Variants in UBXN2A observed in about 807,000 individuals in gnomAD.
The protein encoded by UBXN2A is UBX domain protein 2A.
Under a neutral mutation model 28.4 loss-of-function variants are expected in UBXN2A, and 28 were observed. That is an observed-to-expected ratio of 0.99 (90% CI 0.73 to 1.35). The LOEUF is 1.35. Ranked by LOEUF, UBXN2A falls within the 40% of genes most tolerant of loss-of-function variation. The probability of loss-of-function intolerance (pLI) is 0.00; values close to 1 mark genes in which losing one functional copy is unlikely to be tolerated. For missense variants in UBXN2A, 253 were observed against 297.9 expected (o/e 0.85, Z 1.11); for synonymous variants, 97 against 103.6 (o/e 0.94, Z 0.39).
chr2:23,945,620 A>C (rs1171859087), intron 1 of UBXN2A, among the ~76,000 whole-genome samples: 1 of 152,230 alleles, frequency 6.6e-6, no homozygotes, highest in South Asian at 2.1e-4. Context: ...AAGAAACGTA[A>C]GCTTCTATAT....
At chr2:23,955,708 G>C (rs1431891096) in intron 1 of UBXN2A, among the ~76,000 whole-genome samples, 2 of 152,084 alleles carry the variant, frequency 1.3e-5, no homozygotes, top group Admixed American at 6.6e-5. Flanking sequence ...ATGATATAAT[G>C]GTAACTATTT....
At chr2:23,945,975 G>T (rs951075490) in intron 1 of UBXN2A, among the ~76,000 whole-genome samples, 43 of 151,724 alleles carry the variant, frequency 2.8e-4, no homozygotes, top group African/African-American at 9.7e-4. Context: ...GGGATTATAG[G>T]TGTGTGTTCC....
intron 2 of UBXN2A, 92 bp downstream of exon 2, chr2:23,958,447 A>G: frequency 1.6e-6 from 2 of 1,272,714 alleles, no homozygotes; most frequent in East Asian, 2.6e-5. Flanking sequence ...ATAGTAGAGT[A>G]CGTTTTAATT....
At chr2:23,932,571 G>T (rs537392157) in intron 1 of UBXN2A, among the ~76,000 whole-genome samples, 1 of 152,214 alleles carries the variant, frequency 6.6e-6, no homozygotes, top group East Asian at 1.9e-4. Flanking sequence ...AGGGTTGGGA[G>T]GGTCCCTTGA....
chr2:23,970,055 G>T (rs1278810058), intron 2 of UBXN2A, among the ~76,000 whole-genome samples: 1 of 152,076 alleles, frequency 6.6e-6, no homozygotes, highest in Non-Finnish European at 1.5e-5. Context: ...ACTTTGGGTG[G>T]CCAAGACAGG....
At chr2:23,959,678 A>G (rs1706807105) in intron 2 of UBXN2A, among the ~76,000 whole-genome samples, 1 of 152,176 alleles carries the variant, frequency 6.6e-6, no homozygotes, top group African/African-American at 2.4e-5. Context: ...GTACATAGGG[A>G]AAACCAGGCA....
At chr2:23,976,867 C>A in intron 3 of UBXN2A, 102 bp from the exon 4 acceptor site, 1 of 914,950 alleles carries the variant, frequency 1.1e-6, no homozygotes, top group Non-Finnish European at 1.7e-6. Context: ...AGGAGTGAAC[C>A]ACCCCACCCG....
At chr2:23,994,552 G>A (rs529962362) in intron 6 of UBXN2A, among the ~76,000 whole-genome samples, 8 of 152,166 alleles carry the variant, frequency 5.3e-5, no homozygotes, top group Non-Finnish European at 7.4e-5. Context: ...GTAATCTGTT[G>A]TATTGGTCTG....
chr2:23,961,843 G>T (rs1024029302), intron 2 of UBXN2A, among the ~76,000 whole-genome samples: 1 of 146,316 alleles, frequency 6.8e-6, no homozygotes, highest in African/African-American at 2.5e-5. Flanking sequence ...ACCGCACCCG[G>T]CCTTTTTTTT....
intron 1 of UBXN2A, among the ~76,000 whole-genome samples, chr2:23,954,104 C>T (rs944446466): frequency 6.6e-6 from 1 of 152,146 alleles, no homozygotes; most frequent in Non-Finnish European, 1.5e-5. Context: ...CCTCCGCCTC[C>T]CGGGTACAAG....
At chr2:23,958,160 TTTGATGATGA>T (rs1191325735) in intron 1 of UBXN2A, 131 bp from the exon 2 acceptor site, 2 of 514,264 alleles carry the variant, frequency 3.9e-6, no homozygotes, top group Non-Finnish European at 6.7e-6. Flanking sequence ...ATTGCTTTAT[TTTGATGATGA>T]AAATGACAGC....
intron 1 of UBXN2A, among the ~76,000 whole-genome samples, chr2:23,931,377 C>T (rs952243632): frequency 2.6e-5 from 4 of 152,010 alleles, no homozygotes; most frequent in African/African-American, 4.8e-5. Context: ...ACCTGAAAGG[C>T]GGAGGCTGCA....
intron 1 of UBXN2A, among the ~76,000 whole-genome samples, chr2:23,956,930 C>T (rs1339230058): frequency 6.6e-6 from 1 of 152,058 alleles, no homozygotes; most frequent in Non-Finnish European, 1.5e-5. Flanking sequence ...CCCATAGATA[C>T]CAAAATCTGC....
Position 23,961,539 on chromosome 2 carries a change from C to CTTTTTTT in UBXN2A, c.41+3202_41+3208dup, listed in dbSNP as rs71395167. On this transcript the variant is annotated intron_variant, in intron 2 of 6. Transcript: ENST00000309033. ...CAGGGAAAAATGCAAAGAAAACTGC[C>CTTTTTTT]TTTTTTTTTTTTTTTTTTTTTTTTG... Among the ~76,000 whole-genome samples the CTTTTTTT allele has an allele frequency of 2.9e-4, 15 of 51,272 alleles. 1 individual carries two copies. The highest frequency in any genetic ancestry group is 4.5e-4 in the African/African-American group (6 of 13,480). The allele number at this position is 51,272 out of a possible 152,430, so 33.6% of individuals were successfully genotyped here.
intron 6 of UBXN2A, among the ~76,000 whole-genome samples, chr2:23,988,122 CAA>C (rs34140980): frequency 3.2e-3 from 390 of 120,988 alleles, no homozygotes; most frequent in South Asian, 7.2e-3. Flanking sequence ...GGCTCCATCT[CAA>C]AAAAAAAAAA....
rs558574716 is a variant in UBXN2A at position 23,945,108 on chromosome 2, A to G, written c.-15+4460A>G. 6.6e-5 allele frequency among the ~76,000 whole-genome samples: 10 copies of G among 152,288 alleles called. No homozygotes were observed. The South Asian group carries it at 1.7e-3, about 25-fold the overall frequency. On this transcript the variant is annotated intron_variant, in intron 1 of 6. Transcript: ENST00000309033. ...AAAAGGGGGGAGGGCCCTTTGTGACATAAGATAACATTTCAGTATGGAGCC... is the reference window on the plus strand; with the variant it reads ...AAAAGGGGGGAGGGCCCTTTGTGACGTAAGATAACATTTCAGTATGGAGCC...
chr2:23,958,330 A>G lies in UBXN2A; in HGVS notation c.16A>G (p.Asn6Asp). ...GCGAAAGAGAATGAAAGACGTAGATAACCTCAAAAGTATAAAAGAAGAATG... is the reference window on the plus strand; with the variant it reads ...GCGAAAGAGAATGAAAGACGTAGATGACCTCAAAAGTATAAAAGAAGAATG... MKDVD[N>D]LKSIKEEWVC... is the part of the protein sequence containing the mutation. The change falls in exon 2 of 7, where the codon AAC (asparagine) becomes GAC (aspartate). Residue 6 changes from asparagine (N) to aspartate (D), a missense_variant. Transcript: ENST00000309033. 6.2e-7 allele frequency: 1 copy of G among 1,604,834 alleles called. No homozygotes were observed. The highest frequency in any genetic ancestry group is 8.5e-7 in the Non-Finnish European group (1 of 1,177,316).
At chr2:23,957,986 C>T (rs1232984537) in intron 1 of UBXN2A, among the ~76,000 whole-genome samples, 1 of 152,182 alleles carries the variant, frequency 6.6e-6, no homozygotes, top group Non-Finnish European at 1.5e-5. Context: ...TCCTTGGCTT[C>T]AGCAATCCTC....
intron 6 of UBXN2A, among the ~76,000 whole-genome samples, chr2:23,990,384 A>C (rs1328815743): frequency 6.6e-6 from 1 of 151,858 alleles, no homozygotes; most frequent in Non-Finnish European, 1.5e-5. Flanking sequence ...TTTACTGGGC[A>C]ATAGCTGACT....
Sources: allele counts gnomAD v4.1 joint callset (sites outside exome capture counted in the v4.1 genomes callset), GRCh38; gene constraint gnomAD v4.1.1; transcripts MANE v1.5; gene names NCBI Gene and HGNC (gene_info 2026-07-23, HGNC 2026-07-21).